The following DAB1 variants were observed in gnomAD, a reference collection of about 807,000 sequenced individuals.
DAB1 encodes disabled homolog 1.
A neutral mutation model predicts 64.6 loss-of-function variants in DAB1; 15 were observed. The observed-to-expected ratio is 0.23, with a 90% CI of 0.16 to 0.36. DAB1 has a LOEUF of 0.36. DAB1 is among the 10% of genes least tolerant of loss of function. The pLI, the probability that DAB1 is intolerant of heterozygous loss-of-function variation, is 1.00. For missense variants in DAB1, 596 were observed against 706.7 expected, an observed-to-expected ratio of 0.84 and a Z score of 1.78; for synonymous variants, 235 against 251.9, an observed-to-expected ratio of 0.93 and a Z score of 0.64.
intron 7 of DAB1, among the ~76,000 whole-genome samples, chr1:57,619,649 C>T (rs531295223): frequency 3.9e-5 from 6 of 152,194 alleles, no homozygotes; most frequent in African/African-American, 9.6e-5. Flanking sequence ...TGTTTCTCCC[C>T]GCTTGGCCTC....
intron 5 of DAB1, among the ~76,000 whole-genome samples, chr1:58,013,000 T>C (rs978881471): frequency 6.6e-6 from 1 of 152,168 alleles, no homozygotes; most frequent in East Asian, 1.9e-4. Flanking sequence ...ACTGACTCAA[T>C]GCTCACTTTT....
intron 2 of DAB1, among the ~76,000 whole-genome samples, chr1:57,176,713 T>C (rs1196093839): frequency 6.6e-6 from 1 of 152,120 alleles, no homozygotes; most frequent in Non-Finnish European, 1.5e-5. Context: ...AAAGGTCTAG[T>C]AAAATCTGGA....
intron 6 of DAB1, among the ~76,000 whole-genome samples, chr1:57,791,045 A>G (rs1255801127): frequency 6.6e-6 from 1 of 152,238 alleles, no homozygotes; most frequent in African/African-American, 2.4e-5. Context: ...GCACTTGCCC[A>G]CATTCAATAA....
chr1:57,680,798 T>C (rs1351173952), intron 6 of DAB1, among the ~76,000 whole-genome samples: 2 of 152,208 alleles, frequency 1.3e-5, no homozygotes, highest in African/African-American at 2.4e-5. Flanking sequence ...TTGAAAACCA[T>C]GCGATAGTAC....
chr1:57,271,548 G>T (rs1318513640), intron 2 of DAB1, among the ~76,000 whole-genome samples: 1 of 152,182 alleles, frequency 6.6e-6, no homozygotes, highest in East Asian at 1.9e-4. Context: ...GCTTCACAGG[G>T]TTGGTGAAGA....
chr1:57,208,433 TCCTGTTTAGGTA>T (rs1482761234), intron 2 of DAB1, among the ~76,000 whole-genome samples: 2 of 152,160 alleles, frequency 1.3e-5, no homozygotes, highest in South Asian at 4.1e-4. Context: ...AAATGAGGTT[TCCTGTTTAGGTA>T]CCATGGATCA....
chr1:57,477,187 C>T lies in DAB1; in HGVS notation n.625+172405G>A, dbSNP rs145871400. 1.3e-3 allele frequency among the ~76,000 whole-genome samples: 195 copies of T among 152,268 alleles called. 1 individual carries two copies. The highest frequency in any genetic ancestry group is 3.1e-3 in the South Asian group (15 of 4,816). ...CAGGTGGCATGAACAACATGCAAAACGGTTGAGTGCTGTGAGGTTTTGATA... is the reference window on the plus strand; with the variant it reads ...CAGGTGGCATGAACAACATGCAAAATGGTTGAGTGCTGTGAGGTTTTGATA... On this transcript the variant is annotated intron_variant and non_coding_transcript_variant, in intron 7 of 20. Transcript: ENST00000485760.
chr1:57,627,806 C>A (rs1285357572), intron 7 of DAB1, among the ~76,000 whole-genome samples: 1 of 152,190 alleles, frequency 6.6e-6, no homozygotes, highest in Non-Finnish European at 1.5e-5. Flanking sequence ...GCAGAATATG[C>A]TGCATCATGT....
At chr1:57,089,581 A>C (rs1271106122) in intron 4 of DAB1, among the ~76,000 whole-genome samples, 1 of 151,800 alleles carries the variant, frequency 6.6e-6, no homozygotes, top group East Asian at 1.9e-4. Flanking sequence ...GGGGTGAGGG[A>C]TGGGGGAGCT....
chr1:58,172,492 G>A (rs1656231030), intron 4 of DAB1, among the ~76,000 whole-genome samples: 1 of 152,194 alleles, frequency 6.6e-6, no homozygotes, highest in African/African-American at 2.4e-5. Context: ...TTAGATACTA[G>A]GTGCTACTCC....
intron 5 of DAB1, among the ~76,000 whole-genome samples, chr1:57,902,156 CAAAAAA>C (rs60082541): frequency 1.0e-4 from 12 of 114,476 alleles, no homozygotes; most frequent in Non-Finnish European, 1.7e-5. Context: ...GATCTTGTCT[CAAAAAA>C]AAAAAAAAAA....
At chr1:58,146,258 G>A (rs1003702410) in intron 5 of DAB1, among the ~76,000 whole-genome samples, 1 of 152,082 alleles carries the variant, frequency 6.6e-6, no homozygotes, top group African/African-American at 2.4e-5. Context: ...CCCTCATGTT[G>A]TTCAAGGGTC....
intron 4 of DAB1, among the ~76,000 whole-genome samples, chr1:58,322,008 G>T (rs1403247159): frequency 6.6e-6 from 1 of 152,228 alleles, no homozygotes; most frequent in Admixed American, 6.5e-5. Context: ...ATACCTCCAA[G>T]TAGGGGCTGA....
chr1:58,069,188 A>G (rs1197345028), intron 5 of DAB1, among the ~76,000 whole-genome samples: 1 of 152,204 alleles, frequency 6.6e-6, no homozygotes, highest in African/African-American at 2.4e-5. Context: ...TCATTCACTC[A>G]CTAAATTATC....
intron 1 of DAB1, among the ~76,000 whole-genome samples, chr1:57,832,507 G>T (rs1652632909): frequency 6.6e-6 from 1 of 152,198 alleles, no homozygotes; most frequent in African/African-American, 2.4e-5. Context: ...GTAAACAGCG[G>T]TGCTCTCCAT....
At chr1:57,665,221 A>G (rs191191061) in intron 6 of DAB1, among the ~76,000 whole-genome samples, 32 of 152,252 alleles carry the variant, frequency 2.1e-4, no homozygotes, top group Admixed American at 2.6e-4. Flanking sequence ...ACTTAATACA[A>G]TGAATAAACA....
chr1:57,796,875 C>A (rs1227668372), intron 6 of DAB1, among the ~76,000 whole-genome samples: 2 of 152,158 alleles, frequency 1.3e-5, no homozygotes, highest in Non-Finnish European at 2.9e-5. Context: ...TGCGTCATAT[C>A]CTGCATCCGG....
chr1:57,176,836 G>C (rs61767500), intron 2 of DAB1, among the ~76,000 whole-genome samples: 1 of 151,686 alleles, frequency 6.6e-6, no homozygotes, highest in African/African-American at 2.4e-5. Flanking sequence ...ATGAGGAAGC[G>C]GTTTATCTAT....
intron 1 of DAB1, among the ~76,000 whole-genome samples, chr1:58,529,470 G>A (rs1438563147): frequency 6.6e-6 from 1 of 152,198 alleles, no homozygotes; most frequent in Admixed American, 6.5e-5. Flanking sequence ...ATACATTTTT[G>A]AGATGATTAT....
Sources: allele counts gnomAD v4.1 joint callset (sites outside exome capture counted in the v4.1 genomes callset), GRCh38; gene constraint gnomAD v4.1.1; transcripts MANE v1.5; gene names NCBI Gene and HGNC (gene_info 2026-07-23, HGNC 2026-07-21).